The following MBNL1 variants were observed in gnomAD, a reference collection of about 807,000 sequenced individuals.
MBNL1 encodes the protein muscleblind-like protein 1.
A neutral mutation model predicts 42.2 loss-of-function variants in MBNL1; 8 were observed. The ratio of observed to expected loss-of-function variants is 0.19; its 90% CI spans 0.11 to 0.34. The LOEUF is 0.34. Among genes scored for constraint, MBNL1 ranks in the 10% least tolerant of loss-of-function variants. The pLI is 1.00. For synonymous variants in MBNL1, 169 were observed against 173.9 expected (o/e 0.97, Z 0.22); for missense variants, 309 against 495.3 (o/e 0.62, Z 3.57).
intron 1 of MBNL1, among the ~76,000 whole-genome samples, chr3:152,293,311 G>T (rs2057006206): frequency 6.6e-6 from 1 of 152,198 alleles, no homozygotes; most frequent in South Asian, 2.1e-4. Flanking sequence ...TCAGATGGCA[G>T]TTCTTCCCAT....
intron 2 of MBNL1, among the ~76,000 whole-genome samples, chr3:152,323,434 A>T (rs115186735): frequency 0.015 from 2,280 of 152,170 alleles, 52 homozygotes; most frequent in African/African-American, 0.052. Flanking sequence ...TAAATAATTT[A>T]AAAAATATAT....
chr3:152,247,412 T>C (rs888005206), intron 2 of MBNL1, among the ~76,000 whole-genome samples: 1 of 151,968 alleles, frequency 6.6e-6, no homozygotes. Context: ...GTACATGAGC[T>C]CTGTATGATA....
chr3:152,323,919 T>G (rs1343079622), intron 2 of MBNL1, among the ~76,000 whole-genome samples: 1 of 152,188 alleles, frequency 6.6e-6, no homozygotes, highest in African/African-American at 2.4e-5. Flanking sequence ...TCCTTTCTTA[T>G]GATCACTATT....
At chr3:152,323,038 A>T (rs1018457927) in intron 2 of MBNL1, among the ~76,000 whole-genome samples, 1 of 152,154 alleles carries the variant, frequency 6.6e-6, no homozygotes, top group Non-Finnish European at 1.5e-5. Context: ...AAATGGGGTT[A>T]TACTGGTTTC....
intron 2 of MBNL1, among the ~76,000 whole-genome samples, chr3:152,408,630 A>G (rs569344966): frequency 3.3e-5 from 5 of 151,870 alleles, no homozygotes; most frequent in African/African-American, 1.2e-4. Flanking sequence ...GTTATGATAA[A>G]ATCTGGTATA....
At chr3:152,373,341 G>GAAAAAAAAA (rs35536807) in intron 2 of MBNL1, among the ~76,000 whole-genome samples, 1 of 90,542 alleles carries the variant, frequency 1.1e-5, no homozygotes, top group African/African-American at 4.2e-5. Context: ...CTGGGGTATG[G>GAAAAAAAAA]AAAAAAAAAA....
At chr3:152,451,857 T>C (rs754293887) in intron 6 of MBNL1, among the ~76,000 whole-genome samples, 12 of 152,240 alleles carry the variant, frequency 7.9e-5, no homozygotes, top group Non-Finnish European at 1.5e-4. Context: ...GGCATTAATA[T>C]TTTCATTTTA....
chr3:152,277,551 T>C (rs760386948), intron 1 of MBNL1, among the ~76,000 whole-genome samples: 3 of 152,000 alleles, frequency 2.0e-5, no homozygotes, highest in Non-Finnish European at 2.9e-5. Context: ...GTCACTATTA[T>C]AAACAGAATG....
intron 1 of MBNL1, among the ~76,000 whole-genome samples, chr3:152,284,134 A>G (rs2050168539): frequency 6.6e-6 from 1 of 152,130 alleles, no homozygotes; most frequent in Non-Finnish European, 1.5e-5. Flanking sequence ...TTTTATGTGT[A>G]TTATATATTG....
At chr3:152,412,260 A>C (rs1212335780) in intron 2 of MBNL1, among the ~76,000 whole-genome samples, 1 of 150,652 alleles carries the variant, frequency 6.6e-6, no homozygotes, top group African/African-American at 2.4e-5. Context: ...TATCATTTGC[A>C]GACATTATTC....
intron 2 of MBNL1, among the ~76,000 whole-genome samples, chr3:152,345,959 G>A (rs2094168454): frequency 1.3e-5 from 2 of 152,032 alleles, no homozygotes. Flanking sequence ...TTGTTTGTTT[G>A]TTTGTTGCTA....
chr3:152,340,376 A>G, intron 2 of MBNL1: 1 of 861,410 alleles, frequency 1.2e-6, no homozygotes, highest in Non-Finnish European at 1.8e-6. Flanking sequence ...TGTGGTGTAT[A>G]CTTGCCACCT....
intron 2 of MBNL1, 66 bp from the exon 3 acceptor site, chr3:152,414,875 A>AT (rs2098670157): frequency 1.9e-6 from 3 of 1,542,378 alleles, no homozygotes; most frequent in South Asian, 1.2e-5. Flanking sequence ...TTTGCATTAT[A>AT]TTTTTTTCAT....
At chr3:152,439,853 G>GTAA (rs1035285810) in intron 4 of MBNL1, among the ~76,000 whole-genome samples, 33 of 151,574 alleles carry the variant, frequency 2.2e-4, no homozygotes, top group East Asian at 5.8e-4. Flanking sequence ...ATCTCAAGTA[G>GTAA]TAATAATAAT....
intron 4 of MBNL1, among the ~76,000 whole-genome samples, chr3:152,438,072 C>T (rs1267736140): frequency 1.3e-5 from 2 of 152,132 alleles, no homozygotes; most frequent in African/African-American, 4.8e-5. Context: ...TTTAGCCATA[C>T]CCCTGCTTTA....
chr3:152,304,101 A>C (rs2061843101), intron 2 of MBNL1, among the ~76,000 whole-genome samples: 1 of 152,198 alleles, frequency 6.6e-6, no homozygotes, highest in South Asian at 2.1e-4. Flanking sequence ...CTGCAGGCTT[A>C]GCAGAATATA....
At chr3:152,273,111 G>C (rs2042880349) in intron 1 of MBNL1, among the ~76,000 whole-genome samples, 2 of 152,082 alleles carry the variant, frequency 1.3e-5, no homozygotes, top group African/African-American at 4.8e-5. Flanking sequence ...TGCGTGTGTG[G>C]AGGGTGAGGG....
intron 2 of MBNL1, among the ~76,000 whole-genome samples, chr3:152,398,958 C>A (rs1365377518): frequency 6.6e-6 from 1 of 152,130 alleles, no homozygotes; most frequent in Non-Finnish European, 1.5e-5. Flanking sequence ...TTTTTTGAAG[C>A]TATTACCTGA....
chr3:152,326,161 A>G (rs2079911095), intron 2 of MBNL1, among the ~76,000 whole-genome samples: 1 of 152,154 alleles, frequency 6.6e-6, no homozygotes, highest in African/African-American at 2.4e-5. Context: ...TTTATGTTCA[A>G]CTTTTCCTGA....
Sources: gnomAD v4.1 joint callset for allele counts (sites outside exome capture counted in the v4.1 genomes callset) on GRCh38, gnomAD v4.1.1 for gene constraint, MANE v1.5 for transcripts, NCBI Gene and HGNC (gene_info 2026-07-23, HGNC 2026-07-21) for gene names.